SLC4A4: variants seen among roughly 807,000 people sequenced by gnomAD.
SLC4A4 encodes the protein electrogenic sodium bicarbonate cotransporter 1.
A neutral mutation model predicts 111.5 loss-of-function variants in SLC4A4; 27 were observed. That is an observed-to-expected ratio of 0.24 (90% CI 0.18 to 0.33). The LOEUF (loss-of-function observed/expected upper bound fraction) is 0.33, where lower values mean the gene tolerates loss of function less well. SLC4A4 is among the 10% of genes least tolerant of loss of function. The probability of loss-of-function intolerance (pLI) is 1.00; values close to 1 mark genes in which losing one functional copy is unlikely to be tolerated. For missense variants in SLC4A4, 909 were observed against 1,315.5 expected (o/e 0.69, Z 4.78); for synonymous variants, 443 against 463.4 (o/e 0.96, Z 0.57).
intron 2 of SLC4A4, among the ~76,000 whole-genome samples, chr4:71,175,268 A>G (rs2148984309): frequency 6.6e-6 from 1 of 152,386 alleles, no homozygotes; most frequent in Admixed American, 6.5e-5. Flanking sequence ...AGCATGAGTG[A>G]CGCAGAAGAC....
Position 71,542,879 on chromosome 4 carries a change from A to G in SLC4A4, c.2443-3471A>G, listed in dbSNP as rs182688970. ...CCAGGGTCTAGCAGAGTGCCATTGA[A>G]TGAGCGAATTAGCATTTATTCATTT... On this transcript the variant is annotated intron_variant, in intron 18 of 25. Coordinates refer to ENST00000264485, the MANE Select transcript of SLC4A4 (RefSeq NM_001098484.3). 5.5e-3 allele frequency among the ~76,000 whole-genome samples: 843 copies of G among 152,248 alleles called. 7 individuals are homozygous for G. Among genetic ancestry groups the G allele is most frequent in the Admixed American group, 0.015 (225 of 15,286 alleles).
At chr4:71,233,997 T>G (rs1475372929) in intron 1 of SLC4A4, among the ~76,000 whole-genome samples, 2 of 152,238 alleles carry the variant, frequency 1.3e-5, no homozygotes, top group African/African-American at 4.8e-5. Context: ...CCAGCTGTAC[T>G]AACTTTGTTT....
At chr4:71,085,217 C>G (rs1280017165) in intron 1 of SLC4A4, among the ~76,000 whole-genome samples, 1 of 152,020 alleles carries the variant, frequency 6.6e-6, no homozygotes, top group African/African-American at 2.4e-5. Context: ...TGAAAAGTGT[C>G]TGTTCATATC....
chr4:71,131,249 G>T (rs1743694012), intron 2 of SLC4A4, among the ~76,000 whole-genome samples: 1 of 152,116 alleles, frequency 6.6e-6, no homozygotes, highest in Admixed American at 6.5e-5. Context: ...GCATCCTTCT[G>T]TTTGCTCCTT....
At chr4:71,547,794 C>T (rs894436588) in intron 20 of SLC4A4, 74 bp downstream of exon 20, 12 of 1,253,908 alleles carry the variant, frequency 9.6e-6, no homozygotes, top group Admixed American at 5.1e-5. Context: ...GAGTGAAATT[C>T]CTCATGAGAT....
At chr4:71,117,868 TAC>T (rs1235844087) in intron 2 of SLC4A4, among the ~76,000 whole-genome samples, 1 of 128,352 alleles carries the variant, frequency 7.8e-6, no homozygotes, top group Non-Finnish European at 1.6e-5. Context: ...AGTTTTAAAA[TAC>T]ATTTTCTTTT....
intron 23 of SLC4A4, 30 bp from the exon 24 acceptor site, chr4:71,563,763 T>C: frequency 7.2e-7 from 1 of 1,390,484 alleles, no homozygotes; most frequent in Non-Finnish European, 1.0e-6. Flanking sequence ...ATAAAAACAT[T>C]CTAAAACCTC....
intron 17 of SLC4A4, among the ~76,000 whole-genome samples, chr4:71,533,471 GT>G (rs1488933152): frequency 6.6e-6 from 1 of 152,002 alleles, no homozygotes; most frequent in Non-Finnish European, 1.5e-5. Flanking sequence ...TTCTATTTTA[GT>G]TTTTTATTTG....
chr4:71,476,866 G>C (rs1728423890), intron 14 of SLC4A4, among the ~76,000 whole-genome samples: 1 of 151,626 alleles, frequency 6.6e-6, no homozygotes. Flanking sequence ...GGTGGTTTTT[G>C]TGCTAAGATT....
chr4:71,112,023 C>T (rs558715771), intron 2 of SLC4A4, among the ~76,000 whole-genome samples: 3 of 152,284 alleles, frequency 2.0e-5, no homozygotes, highest in Non-Finnish European at 4.4e-5. Flanking sequence ...TCACAGACTG[C>T]TGGCAGTTTT....
At chr4:71,272,426 A>G (rs28624853) in intron 3 of SLC4A4, among the ~76,000 whole-genome samples, 7,997 of 152,224 alleles carry the variant, frequency 0.053, 351 homozygotes, top group Middle Eastern at 0.12. Context: ...AAAGACATAC[A>G]GGTTCTCAGT....
chr4:71,085,481 A>T (rs141726202), intron 1 of SLC4A4, among the ~76,000 whole-genome samples: 4,211 of 152,086 alleles, frequency 0.028, 207 homozygotes, highest in African/African-American at 0.086. Flanking sequence ...GTCCTTGCCC[A>T]TGCCTATGTA....
intron 6 of SLC4A4, among the ~76,000 whole-genome samples, chr4:71,375,655 C>T (rs1477188912): frequency 2.6e-5 from 4 of 152,132 alleles, no homozygotes; most frequent in African/African-American, 9.7e-5. Context: ...TACTAGCTAT[C>T]AATTTCTTAA....
chr4:71,563,963 C>T, intron 24 of SLC4A4, 74 bp downstream of exon 24: 1 of 927,268 alleles, frequency 1.1e-6, no homozygotes, highest in Non-Finnish European at 1.8e-6. Context: ...TTAGAATGGC[C>T]ATCTGCATTA....
chr4:71,151,360 A>G (rs972345803), intron 2 of SLC4A4, among the ~76,000 whole-genome samples: 2 of 152,178 alleles, frequency 1.3e-5, no homozygotes, highest in African/African-American at 4.8e-5. Context: ...ACTGGCCTGA[A>G]GGAACTAATT....
chr4:71,451,580 T>C (rs1245939100), intron 11 of SLC4A4, among the ~76,000 whole-genome samples: 3 of 152,092 alleles, frequency 2.0e-5, no homozygotes, highest in Non-Finnish European at 2.9e-5. Flanking sequence ...GTAGGGACTT[T>C]GAGGATGGGA....
In SLC4A4 at chr4:71,283,435, C is replaced by G. The variant is rs1397321070; in HGVS notation, c.253+28036C>G. Among the ~76,000 whole-genome samples, 3 of 152,060 alleles carry G rather than the reference C, an allele frequency of 2.0e-5. No homozygotes were observed. In the South Asian group the frequency reaches 6.2e-4, roughly 32 times the overall value. ...GTCACACAGGGTTGCACTAGGTTTG[C>G]CTCAGTTGCTTTGAATATCTTGATT... On this transcript the variant is annotated intron_variant, in intron 3 of 25. Coordinates refer to ENST00000264485, the MANE Select transcript of SLC4A4 (RefSeq NM_001098484.3).
chr4:71,247,223 C>T (rs931119440), intron 2 of SLC4A4, among the ~76,000 whole-genome samples: 2 of 147,446 alleles, frequency 1.4e-5, no homozygotes, highest in Admixed American at 1.4e-4. Flanking sequence ...ATATTTACAT[C>T]AATATTTTAT....
At chr4:71,389,945 A>G (rs1719107301) in intron 6 of SLC4A4, among the ~76,000 whole-genome samples, 1 of 152,006 alleles carries the variant, frequency 6.6e-6, no homozygotes, top group African/African-American at 2.4e-5. Flanking sequence ...AAATACCCAA[A>G]CTGATTTTTT....
Sources: gnomAD v4.1 joint callset for allele counts (sites outside exome capture counted in the v4.1 genomes callset) on GRCh38, gnomAD v4.1.1 for gene constraint, MANE v1.5 for transcripts, NCBI Gene and HGNC (gene_info 2026-07-23, HGNC 2026-07-21) for gene names.